The following TBC1D9 variants were observed in gnomAD, a reference collection of about 807,000 sequenced individuals.
TBC1D9 encodes the protein TBC1 domain family member 9.
A neutral mutation model predicts 132.0 loss-of-function variants in TBC1D9; 63 were observed. The ratio of observed to expected loss-of-function variants is 0.48; its 90% CI spans 0.39 to 0.59. TBC1D9 has a LOEUF of 0.59. TBC1D9 is among the 20% of genes least tolerant of loss of function. TBC1D9 has a pLI of 0.00. For missense variants in TBC1D9, 1,261 were observed against 1,592.7 expected, an observed-to-expected ratio of 0.79 and a Z score of 3.54; for synonymous variants, 610 against 609.9, an observed-to-expected ratio of 1.00 and a Z score of 0.00.
intron 3 of TBC1D9, 110 bp from the exon 4 acceptor site, chr4:140,679,953 A>C (rs1345806734): frequency 2.4e-6 from 2 of 821,202 alleles, no homozygotes; most frequent in Non-Finnish European, 3.6e-6. Context: ...AAAATTGAGG[A>C]ATGCCCTTCA....
chr4:140,681,545 T>C (rs538203998), intron 3 of TBC1D9, among the ~76,000 whole-genome samples: 10 of 152,286 alleles, frequency 6.6e-5, no homozygotes, highest in African/African-American at 1.9e-4. Flanking sequence ...GGGCTTACGA[T>C]GCAAGCACAG....
At chr4:140,641,090 C>CAAAAA (rs35813378) in intron 13 of TBC1D9, among the ~76,000 whole-genome samples, 758 of 34,606 alleles carry the variant, frequency 0.022, 35 homozygotes, top group Non-Finnish European at 0.025. Flanking sequence ...TAATACTAAG[C>CAAAAA]AAAAAAAAAA....
At chr4:140,630,859 C>A (rs922966778) in intron 16 of TBC1D9, among the ~76,000 whole-genome samples, 1 of 152,160 alleles carries the variant, frequency 6.6e-6, no homozygotes, top group African/African-American at 2.4e-5. Flanking sequence ...TCATAACCAA[C>A]ATTTTTTTGA....
chr4:140,629,587 T>A (rs1421097783), intron 16 of TBC1D9, among the ~76,000 whole-genome samples: 2 of 152,254 alleles, frequency 1.3e-5, no homozygotes, highest in East Asian at 3.8e-4. Flanking sequence ...TTTTTCAATT[T>A]TCTCATATGA....
At chr4:140,637,836 C>T (rs761700795) in intron 15 of TBC1D9, among the ~76,000 whole-genome samples, 2 of 152,178 alleles carry the variant, frequency 1.3e-5, no homozygotes, top group African/African-American at 2.4e-5. Flanking sequence ...CCTGGACACC[C>T]GGAGTGCCTC....
intron 13 of TBC1D9, among the ~76,000 whole-genome samples, chr4:140,656,102 A>G (rs555193678): frequency 5.1e-4 from 77 of 152,322 alleles, no homozygotes; most frequent in Admixed American, 1.3e-3. Context: ...TGGAGGCCAA[A>G]GCTGTCAGCT....
At chr4:140,674,681 A>ATC in intron 6 of TBC1D9, among the ~76,000 whole-genome samples, 1 of 146,820 alleles carries the variant, frequency 6.8e-6, no homozygotes, top group East Asian at 1.9e-4. Flanking sequence ...AGAAGAATAT[A>ATC]TATATATATA....
At chr4:140,667,620 C>T (rs1245469104) in intron 9 of TBC1D9, among the ~76,000 whole-genome samples, 1 of 152,036 alleles carries the variant, frequency 6.6e-6, no homozygotes, top group Admixed American at 6.6e-5. Flanking sequence ...AAAATGAGGC[C>T]AGGCACAGTG....
chr4:140,742,531 C>CAAAAAAA (rs35891616), intron 1 of TBC1D9, among the ~76,000 whole-genome samples: 1 of 63,448 alleles, frequency 1.6e-5, no homozygotes, highest in Non-Finnish European at 2.9e-5. Context: ...GACTCTGTCT[C>CAAAAAAA]AAAAAAAAAA....
At chr4:140,638,625 A>C (rs1177523358) in intron 15 of TBC1D9, among the ~76,000 whole-genome samples, 2 of 152,174 alleles carry the variant, frequency 1.3e-5, no homozygotes, top group Non-Finnish European at 2.9e-5. Flanking sequence ...TCAAAAAAGA[A>C]TAAAAATAAA....
chr4:140,695,465 A>G (rs1219253430), intron 2 of TBC1D9, among the ~76,000 whole-genome samples: 2 of 152,146 alleles, frequency 1.3e-5, no homozygotes, highest in East Asian at 3.8e-4. Flanking sequence ...CGTCAAACAC[A>G]TCCTCTCCAC....
intron 1 of TBC1D9, among the ~76,000 whole-genome samples, chr4:140,713,936 AT>A (rs1024294609): frequency 3.3e-5 from 5 of 152,184 alleles, no homozygotes; most frequent in African/African-American, 1.2e-4. Context: ...AGATCCTACT[AT>A]AAGAGTTTGT....
In TBC1D9 at chr4:140,657,520, A is replaced by G; in HGVS notation, c.2207+7T>C. The G allele has an allele frequency of 6.2e-7, 1 of 1,610,760 alleles. No individual in the cohort carries two copies. Among genetic ancestry groups the G allele is most frequent in the Non-Finnish European group, 8.5e-7 (1 of 1,178,160 alleles). ...GATGGTTTTCAAAGTTAGGCTTAGT[A>G]CAATACCTTCCCAAAACGGTCATGG... On this transcript the variant is annotated splice_region_variant and intron_variant, in intron 12 of 20. Coordinates refer to ENST00000442267, the MANE Select transcript of TBC1D9 (RefSeq NM_015130.3).
At chr4:140,709,737 G>A (rs1738209669) in intron 1 of TBC1D9, among the ~76,000 whole-genome samples, 1 of 152,152 alleles carries the variant, frequency 6.6e-6, no homozygotes, top group African/African-American at 2.4e-5. Context: ...GGGGTGGTCT[G>A]GGGATGGTTT....
At chr4:140,745,877 C>T (rs572795645) in intron 1 of TBC1D9, among the ~76,000 whole-genome samples, 2 of 152,308 alleles carry the variant, frequency 1.3e-5, no homozygotes, top group South Asian at 4.1e-4. Context: ...ATCCTAAAAA[C>T]ATACACCTCC....
intron 1 of TBC1D9, among the ~76,000 whole-genome samples, chr4:140,732,414 C>A (rs188248171): frequency 1.4e-4 from 21 of 152,302 alleles, no homozygotes; most frequent in Admixed American, 7.8e-4. Flanking sequence ...CAAATACATT[C>A]TGCCTTAATA....
At chr4:140,714,292 G>C (rs1380868176) in intron 1 of TBC1D9, among the ~76,000 whole-genome samples, 9 of 152,196 alleles carry the variant, frequency 5.9e-5, no homozygotes, top group Non-Finnish European at 1.3e-4. Flanking sequence ...TGTACCCATG[G>C]TGGCTGGGTT....
chr4:140,625,508 A>G (rs1285973145), intron 18 of TBC1D9, among the ~76,000 whole-genome samples: 2 of 152,226 alleles, frequency 1.3e-5, no homozygotes, highest in African/African-American at 4.8e-5. Flanking sequence ...CTGGCTGGTC[A>G]GACAGAGATG....
intron 1 of TBC1D9, among the ~76,000 whole-genome samples, chr4:140,717,783 A>G (rs1738360657): frequency 6.6e-6 from 1 of 152,208 alleles, no homozygotes; most frequent in Non-Finnish European, 1.5e-5. Context: ...CCCACTGGGT[A>G]GAACACAGTG....
Sources: gnomAD v4.1 joint callset for allele counts (sites outside exome capture counted in the v4.1 genomes callset) on GRCh38, gnomAD v4.1.1 for gene constraint, MANE v1.5 for transcripts, NCBI Gene and HGNC (gene_info 2026-07-23, HGNC 2026-07-21) for gene names.